Variants in CAMTA1 observed in about 807,000 individuals in gnomAD.
CAMTA1 encodes the protein calmodulin binding transcription activator 1, also known as calmodulin-binding transcription activator 1.
Under a neutral mutation model 170.9 loss-of-function variants are expected in CAMTA1, and 27 were observed. That is an observed-to-expected ratio of 0.16 (90% CI 0.12 to 0.22). CAMTA1 has a LOEUF of 0.22. Among genes scored for constraint, CAMTA1 ranks in the 10% least tolerant of loss-of-function variants. The pLI, the probability that CAMTA1 is intolerant of heterozygous loss-of-function variation, is 1.00. For missense variants in CAMTA1, 1,619 were observed against 2,217.2 expected (o/e 0.73, Z 5.42); for synonymous variants, 833 against 891.5 (o/e 0.93, Z 1.17).
At chr1:7,179,424 T>C (rs946257444) in intron 4 of CAMTA1, among the ~76,000 whole-genome samples, 1 of 152,208 alleles carries the variant, frequency 6.6e-6, no homozygotes, top group Non-Finnish European at 1.5e-5. Context: ...TCTTTATGTA[T>C]ACATTTATGC....
intron 5 of CAMTA1, among the ~76,000 whole-genome samples, chr1:7,335,027 C>T (rs1385730787): frequency 2.7e-5 from 4 of 147,532 alleles, no homozygotes; most frequent in East Asian, 4.0e-4. Flanking sequence ...TAGGACAAAC[C>T]ATTTTTTAAA....
chr1:7,292,192 T>C (rs573371158), intron 5 of CAMTA1, among the ~76,000 whole-genome samples: 1 of 152,284 alleles, frequency 6.6e-6, no homozygotes, highest in South Asian at 2.1e-4. Context: ...GCTGAAGCGC[T>C]GGCTTGTTCT....
intron 3 of CAMTA1, among the ~76,000 whole-genome samples, chr1:6,945,874 A>G (rs1687492199): frequency 6.6e-6 from 1 of 152,196 alleles, no homozygotes; most frequent in Non-Finnish European, 1.5e-5. Flanking sequence ...TGTTGTATGG[A>G]TTAAGCCACA....
intron 5 of CAMTA1, among the ~76,000 whole-genome samples, chr1:7,328,127 T>G (rs977090159): frequency 2.0e-5 from 3 of 152,190 alleles, no homozygotes; most frequent in Admixed American, 1.3e-4. Flanking sequence ...TGAGGGTTTG[T>G]TTTTGCTTTT....
In CAMTA1 at chr1:7,736,820, G is replaced by A. The variant is rs2096776086; in HGVS notation, c.3264-111G>A. 4.6e-6 allele frequency: 4 copies of A among 876,334 alleles called. No homozygotes were observed. The Admixed American group carries it at 8.5e-5, about 19-fold the overall frequency. 54.3% of individuals were successfully genotyped at this position (876,334 alleles called of 1,614,324 possible). On this transcript the variant is annotated intron_variant, in intron 13 of 22. Coordinates refer to ENST00000303635, the MANE Select transcript of CAMTA1 (RefSeq NM_015215.4). The surrounding 1 kb of genome is among the most constrained non-coding windows in gnomAD (Gnocchi z 4.5). ...CCTGGGACTCTGTTTCTTCACCATG[G>A]GGATGTTATATACCCAGTTGGGTTT...
At chr1:6,786,979 T>C (rs1030383320) in intron 1 of CAMTA1, among the ~76,000 whole-genome samples, 2 of 152,192 alleles carry the variant, frequency 1.3e-5, no homozygotes, top group African/African-American at 4.8e-5. Flanking sequence ...AAGGGTCATG[T>C]GGCCTTGTTT....
In CAMTA1 at chr1:7,659,286, G is replaced by A. The variant is rs368034328; in HGVS notation, c.665-2440G>A. ...GTGGTGGCTCACGCCTGTAATCCCA[G>A]CACTTTGGGAGGCCAAAGGGGGGTG... On this transcript the variant is annotated intron_variant, in intron 7 of 22. Transcript: ENST00000303635. Among the ~76,000 whole-genome samples, 7 of 152,184 alleles carry A rather than the reference G, an allele frequency of 4.6e-5. No individual in the cohort carries two copies. In the East Asian group the frequency reaches 1.2e-3, roughly 25 times the overall value.
At chr1:7,138,988 CTG>C (rs1011601249) in intron 4 of CAMTA1, among the ~76,000 whole-genome samples, 1 of 141,552 alleles carries the variant, frequency 7.1e-6, no homozygotes, top group African/African-American at 2.6e-5. Context: ...GAGCAAGACT[CTG>C]TCTCAAAAAA....
intron 3 of CAMTA1, among the ~76,000 whole-genome samples, chr1:6,862,518 G>GT (rs902642480): frequency 1.4e-4 from 21 of 151,930 alleles, no homozygotes; most frequent in African/African-American, 4.4e-4. Flanking sequence ...AAAGAGTTTT[G>GT]TTTTTTTTCT....
At chr1:6,920,620 C>A (rs184012719) in intron 3 of CAMTA1, among the ~76,000 whole-genome samples, 1 of 152,296 alleles carries the variant, frequency 6.6e-6, no homozygotes, top group East Asian at 1.9e-4. Context: ...GAGGGTCCCA[C>A]CCCTGCAGCA....
intron 3 of CAMTA1, among the ~76,000 whole-genome samples, chr1:7,068,341 T>C (rs1176646999): frequency 6.6e-6 from 1 of 152,036 alleles, no homozygotes; most frequent in African/African-American, 2.4e-5. Context: ...AGCACAGCAC[T>C]GAGCTTAATA....
At chr1:6,987,652 G>A (rs1242369490) in intron 3 of CAMTA1, among the ~76,000 whole-genome samples, 1 of 152,202 alleles carries the variant, frequency 6.6e-6, no homozygotes. Flanking sequence ...TGGGCAGATG[G>A]GGATGCATTT....
chr1:7,389,428 C>A (rs2088437237), intron 5 of CAMTA1: 1 of 152,490 alleles, frequency 6.6e-6, no homozygotes, highest in Admixed American at 6.5e-5. Flanking sequence ...ACGACCCTGT[C>A]CCCTGGCCGG....
intron 4 of CAMTA1, among the ~76,000 whole-genome samples, chr1:7,127,278 G>T (rs542626950): frequency 1.8e-5 from 2 of 110,520 alleles, no homozygotes; most frequent in African/African-American, 7.1e-5. Flanking sequence ...TTTGCTAGCC[G>T]GAAGCCGTTC....
chr1:7,268,400 G>A (rs1669233231), intron 5 of CAMTA1, among the ~76,000 whole-genome samples: 1 of 152,168 alleles, frequency 6.6e-6, no homozygotes, highest in Admixed American at 6.5e-5. Flanking sequence ...TGGGCCAGAA[G>A]CTAAAACTTC....
At chr1:7,227,078 C>G (rs1373763778) in intron 4 of CAMTA1, among the ~76,000 whole-genome samples, 1 of 152,174 alleles carries the variant, frequency 6.6e-6, no homozygotes, top group Non-Finnish European at 1.5e-5. Flanking sequence ...CGTGATCCAC[C>G]CGCCTCATCT....
At chr1:6,947,936 T>C (rs528500995) in intron 3 of CAMTA1, among the ~76,000 whole-genome samples, 1 of 152,330 alleles carries the variant, frequency 6.6e-6, no homozygotes, top group South Asian at 2.1e-4. Context: ...TTCTTCAGGA[T>C]TTTCTACATA....
At chr1:7,285,666 A>G (rs1167579651) in intron 5 of CAMTA1, among the ~76,000 whole-genome samples, 1 of 152,182 alleles carries the variant, frequency 6.6e-6, no homozygotes, top group Non-Finnish European at 1.5e-5. Flanking sequence ...TAAACATCAC[A>G]TAAGGGGAAC....
At chr1:6,848,304 A>G (rs145605361) in intron 3 of CAMTA1, among the ~76,000 whole-genome samples, 208 of 152,288 alleles carry the variant, frequency 1.4e-3, no homozygotes, top group African/African-American at 4.2e-3. Context: ...GTGCACCACC[A>G]TATCTGGCTA....
Sources: gnomAD v4.1 joint callset for allele counts (sites outside exome capture counted in the v4.1 genomes callset) on GRCh38, gnomAD v4.1.1 for gene constraint, Gnocchi (gnomAD v3.1) non-coding constraint, MANE v1.5 for transcripts, NCBI Gene and HGNC (gene_info 2026-07-23, HGNC 2026-07-21) for gene names.